The following GSK3B variants were observed in gnomAD, a reference collection of about 807,000 sequenced individuals.
The protein encoded by GSK3B is glycogen synthase kinase 3 beta, also known as glycogen synthase kinase-3 beta.
In GSK3B, 15 loss-of-function variants were observed where a neutral mutation model predicts 56.4. The observed-to-expected ratio is 0.27, with a 90% CI of 0.18 to 0.41. GSK3B has a LOEUF of 0.41. Ranked by LOEUF, GSK3B falls within the 10% of genes least tolerant of loss-of-function variation. The pLI, the probability that GSK3B is intolerant of heterozygous loss-of-function variation, is 1.00. For missense variants in GSK3B, 300 were observed against 513.4 expected (o/e 0.58, Z 4.02); for synonymous variants, 181 against 188.9 (o/e 0.96, Z 0.34).
At chr3:119,924,976 A>G (rs1301975994) in intron 3 of GSK3B, among the ~76,000 whole-genome samples, 2 of 152,238 alleles carry the variant, frequency 1.3e-5, no homozygotes, top group African/African-American at 4.8e-5. Context: ...AGAGCTCAAC[A>G]TGGCTGCAAA....
At chr3:119,963,625 C>CAAAAAAAAAAAAAAAAAAAAAAAAAAA (rs774359104) in intron 2 of GSK3B, among the ~76,000 whole-genome samples, 1 of 79,176 alleles carries the variant, frequency 1.3e-5, no homozygotes, top group African/African-American at 4.4e-5. Context: ...TTCTTCCCCA[C>CAAAAAAAAAAAAAAAAAAAAAAAAAAA]AAAAAAAAAA....
intron 3 of GSK3B, among the ~76,000 whole-genome samples, chr3:119,933,980 T>C (rs1357203883): frequency 6.6e-6 from 1 of 152,148 alleles, no homozygotes; most frequent in African/African-American, 2.4e-5. Flanking sequence ...ATGTGGCCAA[T>C]AAAATAAATA....
At chr3:119,935,324 T>G (rs1277627328) in intron 3 of GSK3B, among the ~76,000 whole-genome samples, 2 of 152,086 alleles carry the variant, frequency 1.3e-5, no homozygotes, top group African/African-American at 4.8e-5. Context: ...CATAATATAG[T>G]AAGATAAAGA....
chr3:120,065,194 A>G (rs1463883947), intron 1 of GSK3B, among the ~76,000 whole-genome samples: 1 of 152,242 alleles, frequency 6.6e-6, no homozygotes, highest in Non-Finnish European at 1.5e-5. Flanking sequence ...GAAAACCCAC[A>G]GAATGGAGAA....
At chr3:120,075,445 T>G (rs1195129789) in intron 1 of GSK3B, among the ~76,000 whole-genome samples, 1 of 152,110 alleles carries the variant, frequency 6.6e-6, no homozygotes, top group East Asian at 1.9e-4. Context: ...ATCAGAAAAT[T>G]ATCTCTATTT....
At chr3:119,922,289 AAAT>A (rs1262215096) in intron 4 of GSK3B, among the ~76,000 whole-genome samples, 17 of 129,044 alleles carry the variant, frequency 1.3e-4, no homozygotes, top group South Asian at 2.5e-4. Flanking sequence ...GAGGAGGGAA[AAAT>A]AATAAAAAAG....
intron 7 of GSK3B, among the ~76,000 whole-genome samples, chr3:119,896,778 C>T (rs2108071493): frequency 6.6e-6 from 1 of 152,244 alleles, no homozygotes; most frequent in South Asian, 2.1e-4. Context: ...CATATGCATG[C>T]TATCAACCTG....
At chr3:119,867,054 C>G (rs2056193051) in intron 8 of GSK3B, among the ~76,000 whole-genome samples, 1 of 152,096 alleles carries the variant, frequency 6.6e-6, no homozygotes. Flanking sequence ...GCATATTAGC[C>G]TGCTTTTAAA....
chr3:119,880,633 G>A (rs1271003354), intron 7 of GSK3B, among the ~76,000 whole-genome samples: 1 of 152,106 alleles, frequency 6.6e-6, no homozygotes, highest in Non-Finnish European at 1.5e-5. Flanking sequence ...AAAATAAACC[G>A]ACCTTTAACT....
chr3:119,928,376 C>T (rs868124818), intron 3 of GSK3B, among the ~76,000 whole-genome samples: 40 of 151,978 alleles, frequency 2.6e-4, no homozygotes, highest in Admixed American at 5.2e-4. Context: ...GAGGCAGAGG[C>T]GGGCGGATCA....
At chr3:119,922,050 T>G (rs937641379) in intron 4 of GSK3B, among the ~76,000 whole-genome samples, 7 of 151,974 alleles carry the variant, frequency 4.6e-5, no homozygotes, top group African/African-American at 1.2e-4. Flanking sequence ...GGCAGGAGAA[T>G]CGCTTGAACC....
chr3:120,069,959 A>C (rs534693919), intron 1 of GSK3B, among the ~76,000 whole-genome samples: 1 of 152,232 alleles, frequency 6.6e-6, no homozygotes, highest in Non-Finnish European at 1.5e-5. Context: ...TCATGCCTGT[A>C]ATCCCAGTAC....
intron 7 of GSK3B, among the ~76,000 whole-genome samples, chr3:119,895,974 A>G (rs1028246340): frequency 2.0e-4 from 30 of 151,982 alleles, no homozygotes; most frequent in African/African-American, 7.0e-4. Flanking sequence ...CAAAGAATAC[A>G]AAAATTTGCC....
chr3:119,826,850 T>C lies in GSK3B; in HGVS notation c.1201A>G (p.Asn401Asp). The C allele has an allele frequency of 6.2e-7, 1 of 1,606,472 alleles. No individual in the cohort carries two copies. The highest frequency in any genetic ancestry group is 8.5e-7 in the Non-Finnish European group (1 of 1,173,406). The change falls in exon 11 of 11, where the codon AAT becomes GAT. Residue 401 changes from asparagine to aspartate, a missense_variant. Around this residue, in one of 6 missense-constraint regions of GSK3B, gnomAD observed 88 missense variants for 92.7 expected, o/e 0.95. Transcript: ENST00000264235. ...PTNATAASDA[N>D]TGDRGQTNNA... The stretch of plus-strand genomic sequence containing the variant: ...TTGGTCTGTCCACGGTCTCCAGTAT[T>C]AGCATCTGCAAGTCAAAAAGTCCCA...
chr3:120,081,630 G>C (rs2058420609), intron 1 of GSK3B, among the ~76,000 whole-genome samples: 1 of 152,198 alleles, frequency 6.6e-6, no homozygotes, highest in African/African-American at 2.4e-5. Context: ...GCAATAGCTT[G>C]GTGACCTGTA....
At chr3:119,866,823 CCA>C (rs1371829704) in intron 8 of GSK3B, among the ~76,000 whole-genome samples, 1 of 152,054 alleles carries the variant, frequency 6.6e-6, no homozygotes, top group Non-Finnish European at 1.5e-5. Context: ...AATTATTTCA[CCA>C]CAGTGTATGC....
At chr3:120,043,645 T>C (rs1022180555) in intron 1 of GSK3B, among the ~76,000 whole-genome samples, 7 of 152,158 alleles carry the variant, frequency 4.6e-5, no homozygotes, top group African/African-American at 1.7e-4. Flanking sequence ...CAGATGGCTG[T>C]ACCAACCTAA....
At chr3:120,067,490 G>C (rs1464424973) in intron 1 of GSK3B, among the ~76,000 whole-genome samples, 1 of 151,974 alleles carries the variant, frequency 6.6e-6, no homozygotes, top group African/African-American at 2.4e-5. Context: ...ACAAAGCCCT[G>C]ACATAAAACT....
chr3:119,963,509 C>T (rs189789346), intron 2 of GSK3B, among the ~76,000 whole-genome samples: 77 of 150,588 alleles, frequency 5.1e-4, no homozygotes, highest in Admixed American at 1.7e-3. Context: ...ATCCCAGCTA[C>T]TTGGAAGGCT....
Sources: gnomAD v4.1 joint callset for allele counts (sites outside exome capture counted in the v4.1 genomes callset) on GRCh38, gnomAD v4.1.1 for gene constraint, gnomAD v4.1.1 regional missense constraint, MANE v1.5 for transcripts, NCBI Gene and HGNC (gene_info 2026-07-23, HGNC 2026-07-21) for gene names.